The following LINGO1 variants were observed in gnomAD, a reference collection of about 807,000 sequenced individuals.
LINGO1 encodes the protein leucine-rich repeat and immunoglobulin-like domain-containing nogo receptor-interacting protein 1.
In LINGO1, 11 loss-of-function variants were observed where a neutral mutation model predicts 37.3. The observed-to-expected ratio is 0.29, with a 90% CI of 0.19 to 0.49. The LOEUF (loss-of-function observed/expected upper bound fraction) is 0.49, where lower values mean the gene tolerates loss of function less well. LINGO1 is among the 20% of genes least tolerant of loss of function. The probability of loss-of-function intolerance (pLI) is 0.99; values close to 1 mark genes in which losing one functional copy is unlikely to be tolerated. For synonymous variants in LINGO1, 387 were observed against 403.0 expected (o/e 0.96, Z 0.48); for missense variants, 585 against 878.2 (o/e 0.67, Z 4.22).
intron 3 of LINGO1, among the ~76,000 whole-genome samples, chr15:77,663,422 G>A (rs576153534): frequency 2.6e-3 from 400 of 152,294 alleles, no homozygotes; most frequent in Non-Finnish European, 4.0e-3. Flanking sequence ...TCCAGTGAAC[G>A]TCTGCCTGAG....
chr15:77,631,920 TG>T (rs1190763574), intron 1 of LINGO1, among the ~76,000 whole-genome samples: 1 of 151,912 alleles, frequency 6.6e-6, no homozygotes, highest in East Asian at 1.9e-4. Flanking sequence ...GGGGGCTGCC[TG>T]GGGGTACCTG....
At chr15:77,621,631 G>A (rs554818012) in intron 1 of LINGO1, among the ~76,000 whole-genome samples, 37 of 152,096 alleles carry the variant, frequency 2.4e-4, no homozygotes, top group Non-Finnish European at 4.1e-4. Context: ...CTGAGGGAAG[G>A]CCCTAGTCCT....
At chr15:77,784,158 C>T (rs903703703) in intron 1 of LINGO1, among the ~76,000 whole-genome samples, 5 of 152,222 alleles carry the variant, frequency 3.3e-5, no homozygotes, top group Non-Finnish European at 5.9e-5. Context: ...ACTGGCAGGC[C>T]GGGGTCTCCG....
At chr15:77,810,601 A>G (rs550517868) in intron 1 of LINGO1, among the ~76,000 whole-genome samples, 96 of 152,338 alleles carry the variant, frequency 6.3e-4, no homozygotes, top group African/African-American at 2.2e-3. Context: ...GCAGTGCTTC[A>G]CCATGAGACA....
intron 2 of LINGO1, among the ~76,000 whole-genome samples, chr15:77,681,324 A>G (rs918298959): frequency 6.6e-6 from 1 of 151,934 alleles, no homozygotes; most frequent in Non-Finnish European, 1.5e-5. Context: ...TCATGGCCAT[A>G]GCATTTGCTC....
chr15:77,682,728 C>T (rs2075438348), intron 2 of LINGO1, among the ~76,000 whole-genome samples: 1 of 152,054 alleles, frequency 6.6e-6, no homozygotes. Flanking sequence ...CTCCTGCCTG[C>T]AGTCCCCCAG....
At chr15:77,737,763 T>C (rs1354272164) in intron 1 of LINGO1, among the ~76,000 whole-genome samples, 9 of 152,144 alleles carry the variant, frequency 5.9e-5, no homozygotes, top group Admixed American at 5.2e-4. Context: ...ACATTTTATC[T>C]CTGGGTTTCC....
At chr15:77,664,170 T>TGTGTGTGTGCGCGCGCGCGCGC in intron 3 of LINGO1, among the ~76,000 whole-genome samples, 2 of 130,946 alleles carry the variant, frequency 1.5e-5, no homozygotes, top group African/African-American at 7.3e-5. Context: ...TGTGTGTGTG[T>TGTGTGTGTGCGCGCGCGCGCGC]GCGCGCGCGC....
At chr15:77,691,171 ATT>A (rs2075596912) in intron 1 of LINGO1, among the ~76,000 whole-genome samples, 1 of 152,220 alleles carries the variant, frequency 6.6e-6, no homozygotes, top group Non-Finnish European at 1.5e-5. Context: ...ATCTTGTTTT[ATT>A]TTAATTAATT....
intron 2 of LINGO1, among the ~76,000 whole-genome samples, chr15:77,723,596 T>C (rs577548849): frequency 1.5e-4 from 23 of 152,212 alleles, no homozygotes; most frequent in African/African-American, 5.1e-4. Flanking sequence ...CTCAGGGAGA[T>C]TGAAAACAAG....
intron 1 of LINGO1, among the ~76,000 whole-genome samples, chr15:77,783,779 A>G (rs2076744547): frequency 6.6e-6 from 1 of 152,228 alleles, no homozygotes; most frequent in Non-Finnish European, 1.5e-5. Context: ...GTCAGAAAGC[A>G]GGGAAGCTAG....
intron 1 of LINGO1, among the ~76,000 whole-genome samples, chr15:77,786,675 C>G (rs180897940): frequency 6.0e-4 from 91 of 152,324 alleles, no homozygotes; most frequent in African/African-American, 2.1e-3. Flanking sequence ...GTGGCACCAT[C>G]TCCTCGAATG....
chr15:77,744,308 C>A (rs1285838329), intron 1 of LINGO1, among the ~76,000 whole-genome samples: 2 of 152,020 alleles, frequency 1.3e-5, no homozygotes, highest in Admixed American at 1.3e-4. Flanking sequence ...CCAAGGTGGG[C>A]AGACTGCTTG....
In LINGO1 at chr15:77,707,277, G is replaced by A. The variant is rs79172361; in HGVS notation, c.-194-16376C>T. ...TCCACCCCACATTAGGCAGAGAGGA[G>A]AAAGAAAAGGGTCTCCACGGTCAAG... is the stretch of plus-strand genomic sequence containing the variant. On this transcript the variant is annotated intron_variant, in intron 2 of 3. Transcript: ENST00000561686. 1,200 of 152,314 alleles carry A rather than the reference G, an allele frequency of 7.9e-3. 8 individuals carry two copies. The highest frequency in any genetic ancestry group is 0.01 in the Non-Finnish European group (706 of 68,040). 9.4% of individuals were successfully genotyped at this position (152,314 alleles called of 1,614,324 possible).
upstream of LINGO1, among the ~76,000 whole-genome samples, chr15:77,789,544 C>G (rs1203861675): frequency 1.3e-5 from 2 of 152,124 alleles, no homozygotes; most frequent in Non-Finnish European, 2.9e-5. Context: ...GAGGCAGAGG[C>G]TGCAGTGAGC....
intron 1 of LINGO1, among the ~76,000 whole-genome samples, chr15:77,781,767 G>T (rs1275857741): frequency 2.0e-5 from 3 of 152,240 alleles, no homozygotes; most frequent in Non-Finnish European, 4.4e-5. Flanking sequence ...TCTGTGGCAG[G>T]CCCAGTGGGG....
chr15:77,768,445 C>A (rs1253135821), intron 1 of LINGO1, among the ~76,000 whole-genome samples: 1 of 152,200 alleles, frequency 6.6e-6, no homozygotes, highest in Admixed American at 6.5e-5. Flanking sequence ...ACAAAAAAGG[C>A]AGCCAGCCAC....
At chr15:77,745,637 T>C (rs976237543) in intron 1 of LINGO1, among the ~76,000 whole-genome samples, 4 of 152,272 alleles carry the variant, frequency 2.6e-5, no homozygotes, top group South Asian at 2.1e-4. Context: ...CCCACATGCA[T>C]TGGGACCCTG....
At chr15:77,796,686 C>T (rs902631897) in intron 1 of LINGO1, among the ~76,000 whole-genome samples, 3 of 150,174 alleles carry the variant, frequency 2.0e-5, no homozygotes, top group South Asian at 4.3e-4. Context: ...ATCTACTCAC[C>T]CTCCCATTCC....
Sources: allele counts gnomAD v4.1 joint callset (sites outside exome capture counted in the v4.1 genomes callset), GRCh38; gene constraint gnomAD v4.1.1; transcripts MANE v1.5; gene names NCBI Gene and HGNC (gene_info 2026-07-23, HGNC 2026-07-21).